Variants in NTRK2 observed in about 807,000 individuals in gnomAD.
NTRK2 encodes the protein BDNF/NT-3 growth factors receptor.
NTRK2 carries 13 observed loss-of-function variants against 94.5 expected under a neutral mutation model. The observed-to-expected ratio is 0.14, with a 90% CI of 0.09 to 0.22. The LOEUF is 0.22. Among genes scored for constraint, NTRK2 ranks in the 10% least tolerant of loss-of-function variants. The pLI, the probability that NTRK2 is intolerant of heterozygous loss-of-function variation, is 1.00. For synonymous variants in NTRK2, 372 were observed against 407.4 expected, an observed-to-expected ratio of 0.91 and a Z score of 1.05; for missense variants, 639 against 1,071.2, an observed-to-expected ratio of 0.60 and a Z score of 5.63.
rs771105294 is a variant in NTRK2 at position 85,026,140 on chromosome 9, ATAT to A, written c.*4704_*4706del. On this transcript the variant is annotated 3_prime_UTR_variant, in exon 19 of 19. Transcript: ENST00000277120. ...AACACAAAGCAAAGCAAAAAAAAAAATATATATATATATATCTGTATATGTGTT... is the reference window on the plus strand; with the variant it reads ...AACACAAAGCAAAGCAAAAAAAAAAAATATATATATATCTGTATATGTGTT... 4 of 140,342 alleles carry A rather than the reference ATAT, an allele frequency of 2.9e-5. No homozygotes were observed. Among genetic ancestry groups the A allele is most frequent in the South Asian group, 2.6e-4 (1 of 3,794 alleles). The allele number at this position is 140,342 out of a possible 1,614,324, so 8.7% of individuals were successfully genotyped here.
intron 11 of NTRK2, among the ~76,000 whole-genome samples, chr9:84,746,525 AT>A (rs75250684): frequency 3.3e-5 from 5 of 151,912 alleles, no homozygotes; most frequent in African/African-American, 7.3e-5. Flanking sequence ...AGATCAGATC[AT>A]TTTTTTTGTT....
chr9:84,752,945 T>A (rs781230397), intron 12 of NTRK2, among the ~76,000 whole-genome samples: 3 of 152,204 alleles, frequency 2.0e-5, no homozygotes, highest in Non-Finnish European at 4.4e-5. Context: ...GTCAGGTGGA[T>A]TTTCTTTATC....
chr9:84,742,294 G>A (rs2063707020), intron 10 of NTRK2, among the ~76,000 whole-genome samples: 1 of 152,202 alleles, frequency 6.6e-6, no homozygotes, highest in South Asian at 2.1e-4. Context: ...TCAAAATGAT[G>A]TTTCTTGTGT....
chr9:84,914,771 T>G (rs1224576254), intron 14 of NTRK2, among the ~76,000 whole-genome samples: 1 of 152,236 alleles, frequency 6.6e-6, no homozygotes, highest in South Asian at 2.1e-4. Context: ...TTCTGGCTTC[T>G]TAAGCTCCAA....
intron 16 of NTRK2, among the ~76,000 whole-genome samples, chr9:84,950,855 A>T (rs1294582593): frequency 1.3e-5 from 2 of 152,044 alleles, no homozygotes; most frequent in African/African-American, 4.8e-5. Context: ...TTTCCTCTTC[A>T]TTTTGGTTGA....
intron 17 of NTRK2, among the ~76,000 whole-genome samples, chr9:84,990,771 C>T (rs1054541958): frequency 2.0e-5 from 3 of 152,154 alleles, no homozygotes; most frequent in African/African-American, 4.8e-5. Context: ...ACGCAAGAAG[C>T]ACTGCCCTGC....
At position 84,779,277 on chromosome 9, in the gene NTRK2, T is replaced by TTTTTC. The variant is rs551194164; in HGVS notation, c.1396+27202_1396+27206dup. Among the ~76,000 whole-genome samples the TTTTTC allele has an allele frequency of 2.6e-5, 4 of 152,186 alleles. No individual in the cohort carries two copies. In the South Asian group the frequency reaches 8.3e-4, roughly 32 times the overall value. On this transcript the variant is annotated intron_variant, in intron 12 of 18. Coordinates refer to ENST00000277120, the MANE Select transcript of NTRK2 (RefSeq NM_006180.6). ...GAGCTTCCATTACCACTTGACTTTT[T>TTTTTC]TTTTCTTTTCTTTTTATAAAACACA...
At chr9:84,681,806 A>G (rs1309395458) in intron 2 of NTRK2, among the ~76,000 whole-genome samples, 1 of 152,124 alleles carries the variant, frequency 6.6e-6, no homozygotes, top group African/African-American at 2.4e-5. Flanking sequence ...AATAATGCCT[A>G]AAGTTGTTTA....
At chr9:85,009,086 A>G (rs1273708869) in intron 17 of NTRK2, among the ~76,000 whole-genome samples, 1 of 152,224 alleles carries the variant, frequency 6.6e-6, no homozygotes, top group East Asian at 1.9e-4. Context: ...TAGACTTCAA[A>G]GCTCATTCAC....
At chr9:84,843,348 A>G (rs2074290251) in intron 12 of NTRK2, among the ~76,000 whole-genome samples, 1 of 152,120 alleles carries the variant, frequency 6.6e-6, no homozygotes, top group Admixed American at 6.5e-5. Context: ...CCAGCACAGC[A>G]TTCTCTCAGT....
Position 84,948,492 on chromosome 9 carries a change from A to C in NTRK2, c.1795A>C (p.Lys599Gln). 1 of 1,614,156 alleles carries C rather than the reference A, an allele frequency of 6.2e-7. No individual in the cohort carries two copies. Reference protein sequence around the residue: ...TLKDASDNARKDFHREAELLT... With the variant: ...TLKDASDNARQDFHREAELLT... ...GAAGGATGCCAGTGACAATGCACGC[A>C]AGGACTTCCACCGTGAGGCCGAGCT... The change falls in exon 16 of 19, where the codon AAG (lysine) becomes CAG (glutamine). Residue 599 changes from lysine (K) to glutamine (Q), a missense_variant. Coordinates refer to ENST00000277120, the MANE Select transcript of NTRK2 (RefSeq NM_006180.6).
chr9:84,969,495 A>G (rs1825941557), intron 17 of NTRK2, among the ~76,000 whole-genome samples: 1 of 152,244 alleles, frequency 6.6e-6, no homozygotes, highest in African/African-American at 2.4e-5. Flanking sequence ...AATAAAATAT[A>G]CAGCATTACA....
intron 14 of NTRK2, among the ~76,000 whole-genome samples, chr9:84,926,835 G>C (rs2077839091): frequency 6.6e-6 from 1 of 152,190 alleles, no homozygotes; most frequent in African/African-American, 2.4e-5. Context: ...AAGCATTCTT[G>C]AGTATGCCCA....
At chr9:84,814,552 T>G in intron 12 of NTRK2, 3 of 1,065,904 alleles carry the variant, frequency 2.8e-6, no homozygotes, top group Non-Finnish European at 3.4e-6. Flanking sequence ...TTTTTATTCC[T>G]CCATTGCAAA....
At chr9:84,706,285 C>G (rs2061055648) in intron 4 of NTRK2, among the ~76,000 whole-genome samples, 1 of 151,998 alleles carries the variant, frequency 6.6e-6, no homozygotes, top group Non-Finnish European at 1.5e-5. Flanking sequence ...TAGAATTAAG[C>G]TGGGAGTGGA....
At chr9:84,895,754 C>T (rs747780690) in intron 14 of NTRK2, among the ~76,000 whole-genome samples, 6 of 152,174 alleles carry the variant, frequency 3.9e-5, no homozygotes, top group Non-Finnish European at 7.4e-5. Context: ...GGATCTCCTC[C>T]CTTCTCCCAC....
intron 17 of NTRK2, among the ~76,000 whole-genome samples, chr9:85,008,282 T>C (rs893780944): frequency 6.6e-6 from 1 of 152,064 alleles, no homozygotes; most frequent in Non-Finnish European, 1.5e-5. Flanking sequence ...GAACAAACTC[T>C]GGAGGGCAGG....
At chr9:84,749,922 AAAC>A (rs1207696361) in intron 11 of NTRK2, among the ~76,000 whole-genome samples, 1 of 152,204 alleles carries the variant, frequency 6.6e-6, no homozygotes, top group South Asian at 2.1e-4. Flanking sequence ...TGGGGACTTA[AAAC>A]AACAAAGTTT....
At chr9:84,945,057 G>C (rs2078550724) in intron 15 of NTRK2, among the ~76,000 whole-genome samples, 1 of 152,180 alleles carries the variant, frequency 6.6e-6, no homozygotes, top group Non-Finnish European at 1.5e-5. Flanking sequence ...GTGAGGATTT[G>C]TCATTTTACT....
Sources: gnomAD v4.1 joint callset for allele counts (sites outside exome capture counted in the v4.1 genomes callset) on GRCh38, gnomAD v4.1.1 for gene constraint, MANE v1.5 for transcripts, NCBI Gene and HGNC (gene_info 2026-07-23, HGNC 2026-07-21) for gene names.